The following ABLIM3 variants were observed in gnomAD, a reference collection of about 807,000 sequenced individuals.
The protein encoded by ABLIM3 is actin binding LIM protein family member 3.
Under a neutral mutation model 109.5 loss-of-function variants are expected in ABLIM3, and 61 were observed. The ratio of observed to expected loss-of-function variants is 0.56; its 90% confidence interval spans 0.45 to 0.69. The LOEUF (loss-of-function observed/expected upper bound fraction) is 0.69, where lower values mean the gene tolerates loss of function less well. Ranked by LOEUF, ABLIM3 falls within the 30% of genes least tolerant of loss-of-function variation. The probability of loss-of-function intolerance (pLI) is 0.00; values close to 1 mark genes in which losing one functional copy is unlikely to be tolerated. For synonymous variants in ABLIM3, 300 were observed against 324.8 expected (o/e 0.92, Z 0.82); for missense variants, 796 against 889.5 (o/e 0.89, Z 1.34).
intron 18 of ABLIM3, among the ~76,000 whole-genome samples, chr5:149,248,384 A>G (rs1029312323): frequency 1.3e-5 from 2 of 152,176 alleles, no homozygotes; most frequent in Non-Finnish European, 1.5e-5. Flanking sequence ...ACTTCCAGTC[A>G]GATTCAGTAT....
At chr5:149,242,919 A>T (rs768466644) in intron 15 of ABLIM3, among the ~76,000 whole-genome samples, 5 of 152,096 alleles carry the variant, frequency 3.3e-5, no homozygotes, top group Non-Finnish European at 7.3e-5. Context: ...CCTGGGCCCC[A>T]CCCCAGGCTT....
At chr5:149,241,149 C>T (rs898957764) in intron 14 of ABLIM3, among the ~76,000 whole-genome samples, 1 of 152,218 alleles carries the variant, frequency 6.6e-6, no homozygotes, top group Non-Finnish European at 1.5e-5. Flanking sequence ...CTTATAAGCT[C>T]ATGACTGTGA....
intron 5 of ABLIM3, among the ~76,000 whole-genome samples, chr5:149,203,692 C>T (rs866068910): frequency 7.3e-6 from 1 of 137,134 alleles, no homozygotes; most frequent in Admixed American, 7.2e-5. Flanking sequence ...AGCATCAACA[C>T]CATCACCACC....
At chr5:149,226,313 G>A (rs369998817) in intron 8 of ABLIM3, among the ~76,000 whole-genome samples, 7 of 151,924 alleles carry the variant, frequency 4.6e-5, no homozygotes, top group South Asian at 2.1e-4. Context: ...GTGAAACCCC[G>A]TATCTACTAA....
In ABLIM3 at chr5:149,246,513, AGAG is replaced by A. The variant is rs1561633147; in HGVS notation, c.1524_1526del (p.Glu508del). 6.2e-7 allele frequency: 1 copy of A among 1,613,770 alleles called. No individual in the cohort carries two copies. The highest frequency in any genetic ancestry group is 1.3e-5 in the African/African-American group (1 of 74,962). ...GAGCCAGAAGGTTCTCGTCTGGAGG[AGAG>A]GAGGATGATTTTGACCGCAGCATGC... is the stretch of plus-strand genomic sequence containing the variant. On this transcript the variant is annotated inframe_deletion, in exon 17 of 24. Coordinates refer to ENST00000309868, the MANE Select transcript of ABLIM3 (RefSeq NM_014945.5).
At chr5:149,178,144 G>A (rs1328633443) in intron 2 of ABLIM3, among the ~76,000 whole-genome samples, 8 of 152,244 alleles carry the variant, frequency 5.3e-5, no homozygotes, top group Middle Eastern at 3.4e-3. Flanking sequence ...AAATCAAACC[G>A]GAGGCCCCTG....
chr5:149,179,751 C>T (rs911185994), intron 2 of ABLIM3, among the ~76,000 whole-genome samples: 1 of 152,026 alleles, frequency 6.6e-6, no homozygotes, highest in African/African-American at 2.4e-5. Context: ...CCACTAATCA[C>T]ATGTGACTAT....
At chr5:149,194,825 G>C (rs920770529) in intron 3 of ABLIM3, among the ~76,000 whole-genome samples, 6 of 152,194 alleles carry the variant, frequency 3.9e-5, no homozygotes, top group African/African-American at 1.4e-4. Context: ...ATGGGACAGA[G>C]GTGCTCTTAA....
chr5:149,230,815 C>G (rs1383381456), intron 9 of ABLIM3, 108 bp downstream of exon 9: 1 of 1,263,966 alleles, frequency 7.9e-7, no homozygotes, highest in Non-Finnish European at 1.1e-6. Context: ...AGTGTGCACA[C>G]TCCCAAATGT....
chr5:149,248,048 C>T (rs957419360), intron 18 of ABLIM3, 119 bp downstream of exon 18: 4 of 1,287,686 alleles, frequency 3.1e-6, no homozygotes, highest in East Asian at 2.5e-5. Flanking sequence ...CATCCTCTCT[C>T]TTCTTCCTCA....
In ABLIM3 at chr5:149,211,164, T is replaced by G. The variant is rs565543224; in HGVS notation, c.669+345T>G. 5.9e-5 allele frequency among the ~76,000 whole-genome samples: 9 copies of G among 151,814 alleles called. No individual in the cohort carries two copies. In the East Asian group the frequency reaches 1.4e-3, roughly 23 times the overall value. On this transcript the variant is annotated intron_variant, in intron 7 of 23. Transcript: ENST00000309868. ...CTTTTTTATTTATTTATTTATTTAT[T>G]TATTTAATTATTTATTTTGTTTGTT...
chr5:149,151,059 G>A (rs933268440), intron 2 of ABLIM3, among the ~76,000 whole-genome samples: 1 of 152,186 alleles, frequency 6.6e-6, no homozygotes, highest in East Asian at 1.9e-4. Flanking sequence ...GCTACAAACC[G>A]GGTGGTTTAA....
chr5:149,148,899 C>G (rs1158125928), intron 2 of ABLIM3, among the ~76,000 whole-genome samples: 1 of 152,160 alleles, frequency 6.6e-6, no homozygotes, highest in Non-Finnish European at 1.5e-5. Context: ...CACACTTCAC[C>G]AAGGCTGGCC....
At chr5:149,255,342 A>G (rs953288834) in intron 23 of ABLIM3, among the ~76,000 whole-genome samples, 4 of 152,240 alleles carry the variant, frequency 2.6e-5, no homozygotes, top group African/African-American at 7.2e-5. Flanking sequence ...CAATATATCA[A>G]TGAACAAAAC....
intron 2 of ABLIM3, among the ~76,000 whole-genome samples, chr5:149,146,087 C>G (rs1312746528): frequency 6.6e-6 from 1 of 152,164 alleles, no homozygotes; most frequent in African/African-American, 2.4e-5. Flanking sequence ...CAGCCCACTT[C>G]TATGTCTTCT....
intron 2 of ABLIM3, among the ~76,000 whole-genome samples, chr5:149,144,655 C>T (rs963041671): frequency 2.0e-5 from 3 of 152,204 alleles, no homozygotes; most frequent in African/African-American, 4.8e-5. Flanking sequence ...GGTGTTTTTA[C>T]TCATTTTATG....
intron 5 of ABLIM3, among the ~76,000 whole-genome samples, chr5:149,204,802 C>T (rs1214296754): frequency 6.6e-6 from 1 of 152,196 alleles, no homozygotes; most frequent in African/African-American, 2.4e-5. Flanking sequence ...GGGATTCTCT[C>T]CTGGGCCAAT....
At position 149,178,941 on chromosome 5, in the gene ABLIM3, C is replaced by G. The variant is rs558543929; in HGVS notation, c.14-4511C>G. 1.8e-3 allele frequency among the ~76,000 whole-genome samples: 269 copies of G among 152,226 alleles called. 2 individuals carry two copies. Among genetic ancestry groups the G allele is most frequent in the Non-Finnish European group, 1.9e-3 (131 of 68,006 alleles). On this transcript the variant is annotated intron_variant, in intron 2 of 23. Coordinates refer to ENST00000309868, the MANE Select transcript of ABLIM3 (RefSeq NM_014945.5). ...TGCCCAAAATTAGAACAGTAGGTAA[C>G]AGCAGAGAGGGAATTGGAACCCAGG...
chr5:149,239,744 C>A lies in ABLIM3; in HGVS notation c.1075-15C>A, dbSNP rs1259147101. ...TAACAGCCAGCCATGCTCACAGCCC[C>A]ATTTCCTCTCCCAGGACATCTACGA... On this transcript the variant is annotated splice_polypyrimidine_tract_variant and intron_variant, in intron 12 of 23. Coordinates refer to ENST00000309868, the MANE Select transcript of ABLIM3 (RefSeq NM_014945.5). 3.2e-6 allele frequency: 5 copies of A among 1,584,522 alleles called. No individual in the cohort carries two copies. Among genetic ancestry groups the A allele is most frequent in the Non-Finnish European group, 4.3e-6 (5 of 1,166,698 alleles).
Sources: gnomAD v4.1 joint callset for allele counts (sites outside exome capture counted in the v4.1 genomes callset) on GRCh38, gnomAD v4.1.1 for gene constraint, MANE v1.5 for transcripts, NCBI Gene and HGNC (gene_info 2026-07-23, HGNC 2026-07-21) for gene names.